Variants in CBLL1 observed in about 807,000 individuals in gnomAD.
CBLL1 encodes the protein Cbl proto-oncogene like 1, also known as E3 ubiquitin-protein ligase Hakai.
Under a neutral mutation model 44.9 loss-of-function variants are expected in CBLL1, and 4 were observed. The observed-to-expected ratio is 0.09, with a 90% CI of 0.04 to 0.20. CBLL1 has a LOEUF of 0.20. Among genes scored for constraint, CBLL1 ranks in the 10% least tolerant of loss-of-function variants. The pLI is 1.00. For missense variants in CBLL1, 569 were observed against 636.7 expected, an observed-to-expected ratio of 0.89 and a Z score of 1.14; for synonymous variants, 235 against 202.2, an observed-to-expected ratio of 1.16 and a Z score of -1.38.
chr7:107,755,622 T>A (rs994778278), intron 5 of CBLL1, 131 bp downstream of exon 5: 1 of 450,904 alleles, frequency 2.2e-6, no homozygotes, highest in Non-Finnish European at 4.0e-6. Flanking sequence ...CTAATCTTTT[T>A]CTGTGAGCCC....
intron 2 of CBLL1, among the ~76,000 whole-genome samples, chr7:107,752,023 C>T (rs1290595330): frequency 6.6e-6 from 1 of 151,890 alleles, no homozygotes; most frequent in Non-Finnish European, 1.5e-5. Flanking sequence ...CACAGTGAAA[C>T]CTCGTCTCTA....
At position 107,759,347 on chromosome 7, in the gene CBLL1, C is replaced by T; in HGVS notation, c.*169C>T. The T allele has an allele frequency of 3.3e-6, 2 of 615,346 alleles. No homozygotes were observed. The highest frequency in any genetic ancestry group is 5.6e-6 in the Non-Finnish European group (2 of 357,224). 38.1% of individuals were successfully genotyped at this position (615,346 alleles called of 1,614,324 possible). A position where few individuals can be genotyped will look rare whatever the true frequency, so the allele number is the denominator to read the frequency against. On this transcript the variant is annotated 3_prime_UTR_variant, in exon 6 of 6. Transcript: ENST00000440859. The stretch of plus-strand genomic sequence containing the variant: ...TAAATCTTGACCTTAAGATTGATTT[C>T]AAGTACCATACTGTAGTACAGATAA...
intron 1 of CBLL1, chr7:107,744,980 C>A (rs1223857081): frequency 6.6e-6 from 1 of 152,072 alleles, no homozygotes; most frequent in Non-Finnish European, 1.5e-5. Flanking sequence ...AAGGCTTTTT[C>A]TTGAGTATTG....
chr7:107,752,867 A>G (rs1793365963), intron 2 of CBLL1, among the ~76,000 whole-genome samples: 1 of 152,212 alleles, frequency 6.6e-6, no homozygotes, highest in Non-Finnish European at 1.5e-5. Flanking sequence ...TGAAATATGA[A>G]TATGTTAAAG....
rs376632103 is a variant in CBLL1 at position 107,759,108 on chromosome 7, C to T, written c.1406C>T (p.Pro469Leu). 1.5e-5 allele frequency: 24 copies of T among 1,613,916 alleles called. No homozygotes were observed. Among genetic ancestry groups the T allele is most frequent in the Non-Finnish European group, 1.8e-5 (21 of 1,179,990 alleles). ...GPPPPPRLQG[P>L]PSQTPLPGPH... ...CCACCACCTCCACGATTGCAGGGTC[C>T]GCCTTCTCAAACCCCACTTCCTGGA... The change falls in exon 6 of 6, where the codon CCG becomes CTG. Residue 469 changes from proline (P) to leucine (L), a missense_variant. Around this residue, in one of 5 missense-constraint regions of CBLL1, gnomAD observed 228 missense variants for 253.2 expected, o/e 0.90. Transcript: ENST00000440859.
chr7:107,761,186 TC>T lies in CBLL1; in HGVS notation c.*2009del, dbSNP rs1793744794. The T allele has an allele frequency of 6.6e-6, 1 of 152,232 alleles. No individual in the cohort carries two copies. The allele number at this position is 152,232 out of a possible 1,614,324, so 9.4% of individuals were successfully genotyped here. A position where few individuals can be genotyped will look rare whatever the true frequency, so the allele number is the denominator to read the frequency against. ...ATAGCCAAAATCACTTTAGAGCTTC[TC>T]AACTATTTATGAAGAGCTATCCTGC... On this transcript the variant is annotated 3_prime_UTR_variant, in exon 6 of 6. Transcript: ENST00000440859.
chr7:107,750,460 C>T (rs536852489), intron 2 of CBLL1, among the ~76,000 whole-genome samples: 10 of 152,172 alleles, frequency 6.6e-5, no homozygotes, highest in African/African-American at 2.4e-4. Flanking sequence ...TGCCCGCCAC[C>T]ACGCCCAGCT....
rs184695221 is a variant in CBLL1, at chr7:107,758,399, C to T, written c.697C>T (p.Pro233Ser). The T allele has an allele frequency of 1.1e-5, 18 of 1,614,112 alleles. No individual in the cohort carries two copies. Among genetic ancestry groups the T allele is most frequent in the African/African-American group, 4.0e-5 (3 of 75,032 alleles). ...PPDKHHMSHI[P>S]PKQHIMMPPP... ...AGACAAGCACCATATGAGCCATATT[C>T]CGCCAAAGCAGCACATCATGATGCC... The change falls in exon 6 of 6, where the codon CCG (proline) becomes TCG (serine). Residue 233 changes from proline (P) to serine (S), a missense_variant. Coordinates refer to ENST00000440859, the MANE Select transcript of CBLL1 (RefSeq NM_024814.4). The surrounding 1 kb of genome is among the most constrained non-coding windows in gnomAD (Gnocchi z 4.2).
chr7:107,752,214 A>G (rs1793333488), intron 2 of CBLL1, among the ~76,000 whole-genome samples: 1 of 151,754 alleles, frequency 6.6e-6, no homozygotes, highest in Non-Finnish European at 1.5e-5. Context: ...AAAAAAAAAA[A>G]AAGAAAAATT....
rs1033289524 is a variant in CBLL1 at position 107,760,415 on chromosome 7, T to G, written c.*1237T>G. ...TTATCATGGAGTCAACAGTGAAGACTACCAGATAATTTTGTATTGGAGAAG... is the reference window on the plus strand; with the variant it reads ...TTATCATGGAGTCAACAGTGAAGACGACCAGATAATTTTGTATTGGAGAAG... On this transcript the variant is annotated 3_prime_UTR_variant, in exon 6 of 6. Transcript: ENST00000440859. 6.6e-6 allele frequency: 1 copy of G among 152,256 alleles called. No individual in the cohort carries two copies. Among genetic ancestry groups the G allele is most frequent in the African/African-American group, 2.4e-5 (1 of 41,454 alleles). The allele number at this position is 152,256 out of a possible 1,614,324, so 9.4% of individuals were successfully genotyped here. A position where few individuals can be genotyped will look rare whatever the true frequency, so the allele number is the denominator to read the frequency against.
In CBLL1 at chr7:107,748,933, C is replaced by T; in HGVS notation, c.67C>T (p.Arg23Cys). 6.2e-7 allele frequency: 1 copy of T among 1,613,878 alleles called. No individual in the cohort carries two copies. The highest frequency in any genetic ancestry group is 8.5e-7 in the Non-Finnish European group (1 of 1,179,874). Reference protein sequence around the residue: ...SSGSLGGLDVRRRIPIKLISK... With the variant: ...SSGSLGGLDVCRRIPIKLISK... ...TGGATCCTTGGGTGGTCTTGATGTT[C>T]GCAGACGAATTCCTATAAAGCTCAT... The change falls in exon 2 of 6, where the codon CGC becomes TGC. Residue 23 changes from arginine (R) to cysteine (C), a missense_variant. Arg to Cys is a radical substitution (Grantham distance 180). Coordinates refer to ENST00000440859, the MANE Select transcript of CBLL1 (RefSeq NM_024814.4).
intron 5 of CBLL1, among the ~76,000 whole-genome samples, chr7:107,757,285 A>G (rs1022246977): frequency 5.9e-5 from 9 of 152,168 alleles, no homozygotes; most frequent in Admixed American, 2.6e-4. Flanking sequence ...AATAGATATA[A>G]AAACATTGTG....
rs941223736 is a variant in CBLL1, at chr7:107,760,576, C to G, written c.*1398C>G. The G allele has an allele frequency of 6.6e-6, 1 of 152,158 alleles. No homozygotes were observed. The highest frequency in any genetic ancestry group is 1.5e-5 in the Non-Finnish European group (1 of 67,922). 9.4% of individuals were successfully genotyped at this position (152,158 alleles called of 1,614,324 possible). A position where few individuals can be genotyped will look rare whatever the true frequency, so the allele number is the denominator to read the frequency against. On this transcript the variant is annotated 3_prime_UTR_variant, in exon 6 of 6. Transcript: ENST00000440859. Reference sequence around the variant, plus strand: ...TTATACAGAACTCATATGTATAAATCAACATTCTTAGGATATTATTTATAT... The same window carrying G: ...TTATACAGAACTCATATGTATAAATGAACATTCTTAGGATATTATTTATAT...
chr7:107,754,023 G>A (rs1443632574), intron 4 of CBLL1, 45 bp downstream of exon 4: 2 of 1,249,628 alleles, frequency 1.6e-6, no homozygotes, highest in Admixed American at 4.2e-5. Context: ...CATTTGCATA[G>A]AGGTGGGGTT....
chr7:107,752,395 C>T (rs1251045785), intron 2 of CBLL1: 1 of 322,924 alleles, frequency 3.1e-6, no homozygotes, highest in African/African-American at 2.2e-5. Flanking sequence ...TGTCTATCAG[C>T]TTCAAAAACT....
intron 5 of CBLL1, 153 bp downstream of exon 5, chr7:107,755,644 G>A: frequency 2.4e-6 from 1 of 408,426 alleles, no homozygotes; most frequent in Non-Finnish European, 4.4e-6. Flanking sequence ...GCTTGTGTTA[G>A]GTTTCTCTTT....
In CBLL1 at chr7:107,758,002, A is replaced by G. The variant is rs1793604887; in HGVS notation, c.441-141A>G. ...AGTAGGGAAGATTAAAGGTTTGCGT[A>G]GAATAACTGTAACTTCTAATTGTGG... On this transcript the variant is annotated intron_variant, in intron 5 of 5. Transcript: ENST00000440859. This position sits in a 1 kb window ranked among gnomAD's most constrained non-coding sequence, Gnocchi z 4.2. The G allele has an allele frequency of 1.3e-6, 1 of 769,010 alleles. No homozygotes were observed. The highest frequency in any genetic ancestry group is 2.0e-6 in the Non-Finnish European group (1 of 493,356). The allele number at this position is 769,010 out of a possible 1,614,324, so 47.6% of individuals were successfully genotyped here.
At position 107,753,914 on chromosome 7, in the gene CBLL1, A is replaced by G. The variant is rs1266635988; in HGVS notation, c.302A>G (p.Lys101Arg). The change falls in exon 4 of 6, where the codon AAG becomes AGG. Residue 101 changes from lysine (K) to arginine (R), a missense_variant. This residue lies in a region of CBLL1 where 209 missense variants were observed against 202.8 expected (regional missense o/e 1.03). Transcript: ENST00000440859. Reference sequence around the variant, plus strand: ...CAACAGATAAACATCTTAGGTGAAAAGGATGATACACCAGTTCATTTCTGT... The same window carrying G: ...CAACAGATAAACATCTTAGGTGAAAGGGATGATACACCAGTTCATTTCTGT... Reference protein sequence around the residue: ...WDFQINILGEKDDTPVHFCDK... With the variant: ...WDFQINILGERDDTPVHFCDK... The G allele has an allele frequency of 1.9e-6, 3 of 1,590,144 alleles. No individual in the cohort carries two copies. The highest frequency in any genetic ancestry group is 1.7e-4 in the Middle Eastern group (1 of 6,014).
At chr7:107,754,946 G>A (rs576202137) in intron 4 of CBLL1, among the ~76,000 whole-genome samples, 1 of 152,070 alleles carries the variant, frequency 6.6e-6, no homozygotes, top group South Asian at 2.1e-4. Context: ...ACAATTTAGT[G>A]AGACCCTGTC....
Sources: gnomAD v4.1 joint callset for allele counts (sites outside exome capture counted in the v4.1 genomes callset) on GRCh38, gnomAD v4.1.1 for gene constraint, gnomAD v4.1.1 regional missense constraint, Gnocchi (gnomAD v3.1) non-coding constraint, MANE v1.5 for transcripts, NCBI Gene and HGNC (gene_info 2026-07-23, HGNC 2026-07-21) for gene names.